Variants in ANGPT1 observed in about 807,000 individuals in gnomAD.
The protein encoded by ANGPT1 is angiopoietin-1.
Under a neutral mutation model 62.2 loss-of-function variants are expected in ANGPT1, and 17 were observed. The observed-to-expected ratio is 0.27, with a 90% confidence interval of 0.19 to 0.41. The LOEUF (loss-of-function observed/expected upper bound fraction) is 0.41. Ranked by LOEUF, ANGPT1 falls within the 10% of genes least tolerant of loss-of-function variation. The pLI is 1.00. For synonymous variants in ANGPT1, 199 were observed against 198.9 expected (o/e 1.00, Z 0.00); for missense variants, 478 against 594.9 (o/e 0.80, Z 2.04).
chr8:107,276,021 T>C (rs774156792), intron 7 of ANGPT1, among the ~76,000 whole-genome samples: 5 of 152,118 alleles, frequency 3.3e-5, no homozygotes, highest in Non-Finnish European at 7.4e-5. Flanking sequence ...GTGAAGAGAT[T>C]TTCCCAACAC....
intron 8 of ANGPT1, among the ~76,000 whole-genome samples, chr8:107,263,526 G>T (rs1173150281): frequency 6.6e-6 from 1 of 151,806 alleles, no homozygotes; most frequent in African/African-American, 2.4e-5. Context: ...TGTTTGTTTT[G>T]CCAAGAAGCA....
At chr8:107,347,242 A>G in intron 1 of ANGPT1, 145 bp from the exon 2 acceptor site, 1 of 719,010 alleles carries the variant, frequency 1.4e-6, no homozygotes, top group South Asian at 2.2e-5. Flanking sequence ...AGTTGGAGAA[A>G]TGGGAGCAGA....
intron 2 of ANGPT1, among the ~76,000 whole-genome samples, chr8:107,338,575 A>G (rs1013030420): frequency 6.6e-6 from 1 of 152,232 alleles, no homozygotes; most frequent in African/African-American, 2.4e-5. Context: ...CCCGTCTAAA[A>G]TGTACTACTA....
intron 5 of ANGPT1, among the ~76,000 whole-genome samples, chr8:107,302,851 C>T (rs899449758): frequency 2.6e-5 from 4 of 151,924 alleles, no homozygotes; most frequent in Non-Finnish European, 4.4e-5. Flanking sequence ...ACCCCTCCCT[C>T]TCCTCACAGT....
chr8:107,423,197 GC>G (rs960554093), intron 1 of ANGPT1, among the ~76,000 whole-genome samples: 24 of 152,216 alleles, frequency 1.6e-4, no homozygotes, highest in African/African-American at 5.8e-4. Flanking sequence ...TATAAATCAA[GC>G]CTACTTTCTC....
intron 1 of ANGPT1, among the ~76,000 whole-genome samples, chr8:107,359,279 C>G (rs1189951396): frequency 1.3e-5 from 2 of 152,100 alleles, no homozygotes; most frequent in Non-Finnish European, 2.9e-5. Flanking sequence ...CAAGAAGGAA[C>G]AAATTGTTTC....
intron 1 of ANGPT1, among the ~76,000 whole-genome samples, chr8:107,376,306 C>T (rs1038637983): frequency 5.9e-5 from 9 of 152,048 alleles, no homozygotes; most frequent in Admixed American, 2.0e-4. Context: ...TATGTGGTAA[C>T]GTGCAGCAAA....
At chr8:107,345,042 T>C (rs1815773707) in intron 2 of ANGPT1, among the ~76,000 whole-genome samples, 1 of 152,162 alleles carries the variant, frequency 6.6e-6, no homozygotes, top group Non-Finnish European at 1.5e-5. Context: ...CATAAGCAAT[T>C]GGAAGACATG....
intron 1 of ANGPT1, among the ~76,000 whole-genome samples, chr8:107,434,322 C>G (rs964905136): frequency 1.4e-4 from 22 of 152,240 alleles, no homozygotes; most frequent in African/African-American, 5.1e-4. Context: ...GAAAAGGAGT[C>G]TGGACTCAAT....
chr8:107,275,369 G>A (rs10090742), intron 7 of ANGPT1, among the ~76,000 whole-genome samples: 72,716 of 151,924 alleles, frequency 0.48, 17,524 homozygotes, highest in East Asian at 0.57. Flanking sequence ...CTAGCAAGAC[G>A]TGCTGAGTCT....
chr8:107,325,599 T>C (rs1815267715), intron 3 of ANGPT1, among the ~76,000 whole-genome samples: 1 of 152,300 alleles, frequency 6.6e-6, no homozygotes, highest in Non-Finnish European at 1.5e-5. Flanking sequence ...TATCATGCTA[T>C]AGTTATAATT....
intron 3 of ANGPT1, among the ~76,000 whole-genome samples, chr8:107,327,632 C>T (rs1398931918): frequency 6.6e-6 from 1 of 152,042 alleles, no homozygotes; most frequent in Non-Finnish European, 1.5e-5. Flanking sequence ...CATGGAACAA[C>T]ACTTTATGAA....
At chr8:107,308,470 A>G (rs1338308679) in intron 4 of ANGPT1, among the ~76,000 whole-genome samples, 1 of 152,160 alleles carries the variant, frequency 6.6e-6, no homozygotes, top group African/African-American at 2.4e-5. Context: ...CACCAGTTTA[A>G]ATACAGCACC....
intron 1 of ANGPT1, among the ~76,000 whole-genome samples, chr8:107,416,933 A>G (rs1464121208): frequency 6.6e-6 from 1 of 151,680 alleles, no homozygotes; most frequent in Non-Finnish European, 1.5e-5. Flanking sequence ...CTAGGACTAT[A>G]GGTATGCGCC....
chr8:107,401,073 C>T (rs1013527367), intron 1 of ANGPT1, among the ~76,000 whole-genome samples: 3 of 152,080 alleles, frequency 2.0e-5, no homozygotes, highest in African/African-American at 7.2e-5. Flanking sequence ...CCTGGTGCTC[C>T]TACAATCAGC....
intron 1 of ANGPT1, among the ~76,000 whole-genome samples, chr8:107,483,920 T>C (rs1450343237): frequency 1.3e-5 from 2 of 152,228 alleles, no homozygotes; most frequent in African/African-American, 4.8e-5. Flanking sequence ...GCCTCTGACA[T>C]ATTTGTGAAA....
At chr8:107,261,556 T>C (rs1813491529) in intron 8 of ANGPT1, among the ~76,000 whole-genome samples, 1 of 151,492 alleles carries the variant, frequency 6.6e-6, no homozygotes, top group South Asian at 2.1e-4. Context: ...ATACAAAAAA[T>C]TAGCCGGGCG....
chr8:107,428,000 T>A (rs190278843), intron 1 of ANGPT1, among the ~76,000 whole-genome samples: 1 of 152,266 alleles, frequency 6.6e-6, no homozygotes, highest in East Asian at 1.9e-4. Flanking sequence ...GATCCCTGCG[T>A]TACAAATTGA....
chr8:107,287,176 T>G (rs1414746400), intron 6 of ANGPT1, among the ~76,000 whole-genome samples: 4 of 152,150 alleles, frequency 2.6e-5, no homozygotes, highest in Non-Finnish European at 4.4e-5. Context: ...TGTTAAGTTT[T>G]GGGTCACATA....
Sources: gnomAD v4.1 joint callset for allele counts (sites outside exome capture counted in the v4.1 genomes callset) on GRCh38, gnomAD v4.1.1 for gene constraint, MANE v1.5 for transcripts, NCBI Gene and HGNC (gene_info 2026-07-23, HGNC 2026-07-21) for gene names.